The following NEBL variants were observed in gnomAD, a reference collection of about 807,000 sequenced individuals.
NEBL encodes LIM and SH3 protein 2.
NEBL carries 122 observed loss-of-function variants against 140.2 expected under a neutral mutation model. The ratio of observed to expected loss-of-function variants is 0.87; its 90% CI spans 0.75 to 1.01. NEBL has a LOEUF of 1.01. Ranked by LOEUF, NEBL falls within the 50% of genes least tolerant of loss-of-function variation. The pLI, the probability that NEBL is intolerant of heterozygous loss-of-function variation, is 0.00. For synonymous variants in NEBL, 436 were observed against 398.9 expected (o/e 1.09, Z -1.11); for missense variants, 1,365 against 1,231.3 (o/e 1.11, Z -1.62).
intron 2 of NEBL, among the ~76,000 whole-genome samples, chr10:20,890,540 TC>T (rs1846943655): frequency 6.6e-6 from 1 of 152,142 alleles, no homozygotes; most frequent in Non-Finnish European, 1.5e-5. Flanking sequence ...TTCCCAATCC[TC>T]CTCCTGAGCG....
At chr10:21,143,592 T>C (rs1382825591) in intron 2 of NEBL, among the ~76,000 whole-genome samples, 1 of 151,278 alleles carries the variant, frequency 6.6e-6, no homozygotes, top group Non-Finnish European at 1.5e-5. Flanking sequence ...TAGACAAATA[T>C]CAGAAAGATA....
intron 2 of NEBL, among the ~76,000 whole-genome samples, chr10:21,052,832 G>GC (rs1455214523): frequency 6.6e-6 from 1 of 152,140 alleles, no homozygotes; most frequent in Non-Finnish European, 1.5e-5. Flanking sequence ...AAAATGCTCA[G>GC]CCCCAACCTG....
chr10:21,189,589 C>T (rs533270718), intron 3 of NEBL, among the ~76,000 whole-genome samples: 65 of 152,282 alleles, frequency 4.3e-4, no homozygotes, highest in African/African-American at 1.4e-3. Flanking sequence ...CTCAGCCTCC[C>T]GAGTAGCTGG....
intron 2 of NEBL, among the ~76,000 whole-genome samples, chr10:21,250,126 G>T (rs1213471591): frequency 6.6e-6 from 1 of 152,144 alleles, no homozygotes; most frequent in East Asian, 1.9e-4. Flanking sequence ...GTGTCAACTT[G>T]ATTGGATTGA....
intron 1 of NEBL, among the ~76,000 whole-genome samples, chr10:21,261,171 C>A (rs765113482): frequency 1.2e-4 from 19 of 152,142 alleles, no homozygotes; most frequent in Non-Finnish European, 1.9e-4. Flanking sequence ...TGGTGGGTAA[C>A]CCCTGTCTGA....
intron 2 of NEBL, among the ~76,000 whole-genome samples, chr10:21,144,519 A>G (rs1184952912): frequency 6.6e-6 from 1 of 152,190 alleles, no homozygotes; most frequent in Non-Finnish European, 1.5e-5. Context: ...CAAAGTCAGG[A>G]GTTCAAGACC....
In NEBL at chr10:20,888,356, C is replaced by A; in HGVS notation, c.259-149G>T. The A allele has an allele frequency of 1.6e-6, 1 of 642,648 alleles. No individual in the cohort carries two copies. The highest frequency in any genetic ancestry group is 1.9e-5 in the South Asian group (1 of 52,732). The allele number at this position is 642,648 out of a possible 1,614,324, so 39.8% of individuals were successfully genotyped here. On this transcript the variant is annotated intron_variant, in intron 3 of 27. Coordinates refer to ENST00000377122, the MANE Select transcript of NEBL (RefSeq NM_006393.3). ...TTTTAATTTTAGATACCAGAGCTGA[C>A]AAACTCCAGGATTCTGAAGAGATAG...
At chr10:21,249,140 C>T (rs1842555265) in intron 2 of NEBL, among the ~76,000 whole-genome samples, 1 of 152,094 alleles carries the variant, frequency 6.6e-6, no homozygotes. Context: ...GTGATCCTGC[C>T]ACCTCAGCCT....
chr10:21,175,917 C>A (rs1163584154), upstream of NEBL, among the ~76,000 whole-genome samples: 20 of 151,950 alleles, frequency 1.3e-4, no homozygotes, highest in Non-Finnish European at 4.4e-5. Flanking sequence ...GCACAAAATT[C>A]AGAGCAAGAA....
At chr10:20,897,097 T>A in intron 1 of NEBL, 28 bp downstream of exon 1, 1 of 1,589,156 alleles carries the variant, frequency 6.3e-7, no homozygotes, top group Non-Finnish European at 8.6e-7. Flanking sequence ...GAACAAACGC[T>A]GGTCTGAGTA....
chr10:20,945,389 T>C (rs1198885533), intron 4 of NEBL, among the ~76,000 whole-genome samples: 1 of 152,150 alleles, frequency 6.6e-6, no homozygotes, highest in African/African-American at 2.4e-5. Flanking sequence ...TCTTGTACCC[T>C]CAGCTCCTAA....
intron 3 of NEBL, among the ~76,000 whole-genome samples, chr10:21,239,523 G>C (rs1842407843): frequency 6.6e-6 from 1 of 151,986 alleles, no homozygotes; most frequent in East Asian, 1.9e-4. Flanking sequence ...TTATCTGCAA[G>C]ACCCCCAAAC....
chr10:20,805,513 A>G (rs2130739228), intron 26 of NEBL, among the ~76,000 whole-genome samples: 2 of 152,278 alleles, frequency 1.3e-5, no homozygotes, highest in South Asian at 4.1e-4. Flanking sequence ...TCTTGGCCTC[A>G]AAACAGAGGA....
intron 4 of NEBL, among the ~76,000 whole-genome samples, chr10:20,887,010 C>T (rs1363757208): frequency 6.6e-6 from 1 of 152,222 alleles, no homozygotes; most frequent in Non-Finnish European, 1.5e-5. Flanking sequence ...GGTCCCTGCT[C>T]TCACGTAGCT....
chr10:21,180,256 G>A (rs1841366657), intron 3 of NEBL, among the ~76,000 whole-genome samples: 1 of 152,162 alleles, frequency 6.6e-6, no homozygotes, highest in Non-Finnish European at 1.5e-5. Flanking sequence ...AATTAATTGT[G>A]CTGTCACAGC....
intron 2 of NEBL, among the ~76,000 whole-genome samples, chr10:21,087,189 AC>A (rs1234043039): frequency 6.6e-6 from 1 of 151,888 alleles, no homozygotes; most frequent in African/African-American, 2.4e-5. Flanking sequence ...TCCTCCCCAG[AC>A]CCCCCACCAA....
chr10:21,197,926 A>G (rs955177825), intron 3 of NEBL, among the ~76,000 whole-genome samples: 5 of 151,916 alleles, frequency 3.3e-5, no homozygotes, highest in Non-Finnish European at 7.4e-5. Flanking sequence ...CTCACCCTCC[A>G]TGATTCCCTT....
At chr10:20,805,861 A>G (rs1837567496) in intron 26 of NEBL, among the ~76,000 whole-genome samples, 1 of 152,162 alleles carries the variant, frequency 6.6e-6, no homozygotes, top group South Asian at 2.1e-4. Context: ...TCAAAAAAAA[A>G]AAAAAGTCAA....
chr10:20,793,417 G>C (rs1028175825), intron 26 of NEBL: 4 of 904,992 alleles, frequency 4.4e-6, no homozygotes, highest in Non-Finnish European at 5.3e-6. Context: ...GAGGACAGAG[G>C]AAGAATCAGT....
Sources: gnomAD v4.1 joint callset for allele counts (sites outside exome capture counted in the v4.1 genomes callset) on GRCh38, gnomAD v4.1.1 for gene constraint, MANE v1.5 for transcripts, NCBI Gene and HGNC (gene_info 2026-07-23, HGNC 2026-07-21) for gene names.